DDIAS: variants seen among roughly 807,000 people sequenced by gnomAD.
DDIAS encodes the protein DNA damage-induced apoptosis suppressor protein.
DDIAS carries 14 observed loss-of-function variants against 15.7 expected under a neutral mutation model. The ratio of observed to expected loss-of-function variants is 0.89; its 90% CI spans 0.59 to 1.39. DDIAS has a LOEUF of 1.39. Among genes scored for constraint, DDIAS ranks in the 40% most tolerant of loss-of-function variants. DDIAS has a pLI of 0.00. For missense variants in DDIAS, 1,035 were observed against 1,130.9 expected (o/e 0.92, Z 1.22); for synonymous variants, 355 against 395.9 (o/e 0.90, Z 1.23).
intron 1 of DDIAS, among the ~76,000 whole-genome samples, chr11:82,903,104 G>T (rs1860356589): frequency 6.6e-6 from 1 of 152,196 alleles, no homozygotes; most frequent in Non-Finnish European, 1.5e-5. Context: ...AGCTTGACAT[G>T]TTAATGTTCA....
At chr11:82,906,074 A>G (rs1490729304) in intron 1 of DDIAS, among the ~76,000 whole-genome samples, 5 of 152,186 alleles carry the variant, frequency 3.3e-5, no homozygotes, top group Non-Finnish European at 5.9e-5. Context: ...AAAACAAAGT[A>G]TAAAAACACC....
At chr11:82,921,771 G>T (rs921450974) in intron 3 of DDIAS, among the ~76,000 whole-genome samples, 13 of 151,526 alleles carry the variant, frequency 8.6e-5, no homozygotes, top group African/African-American at 3.2e-4. Flanking sequence ...TAGAGACAGG[G>T]TTTCACCATG....
In DDIAS at chr11:82,933,340, G is replaced by A. The variant is rs1861043425; in HGVS notation, c.2002G>A (p.Gly668Ser). The A allele has an allele frequency of 2.5e-6, 4 of 1,613,964 alleles. No individual in the cohort carries two copies. The highest frequency in any genetic ancestry group is 2.5e-6 in the Non-Finnish European group (3 of 1,179,954). The part of the protein sequence containing the change: ...NNNVTQSYSI[G>S]YEGSYDASAD... ...CAACGTAACACAGAGCTATTCTATTGGTTATGAAGGTAGCTATGATGCCTC... is the reference window on the plus strand; with the variant it reads ...CAACGTAACACAGAGCTATTCTATTAGTTATGAAGGTAGCTATGATGCCTC... Residue 668 changes from glycine to serine, a missense_variant, in exon 6 of 6, where the codon GGT becomes AGT. Physicochemically the swap from Gly to Ser is moderately conservative, Grantham distance 56. Transcript: ENST00000533655.
At chr11:82,903,262 A>G (rs888848015) in intron 1 of DDIAS, among the ~76,000 whole-genome samples, 1 of 152,254 alleles carries the variant, frequency 6.6e-6, no homozygotes, top group Non-Finnish European at 1.5e-5. Flanking sequence ...TTGGATTAAG[A>G]TGATGGCAGA....
chr11:82,912,097 A>G (rs1378293620), intron 1 of DDIAS, among the ~76,000 whole-genome samples: 1 of 152,178 alleles, frequency 6.6e-6, no homozygotes, highest in East Asian at 1.9e-4. Context: ...GATTCAGCAT[A>G]ATCCTTAAGG....
chr11:82,926,831 A>G (rs1439990386), intron 3 of DDIAS, among the ~76,000 whole-genome samples: 4 of 152,196 alleles, frequency 2.6e-5, no homozygotes, highest in African/African-American at 9.6e-5. Context: ...AACTATATAA[A>G]TAAATATCTT....
rs1438295529 is a variant in DDIAS, at chr11:82,914,811, T to C, written c.73T>C (p.Cys25Arg). Residue 25 changes from cysteine to arginine, a missense_variant, in exon 3 of 6, where the codon TGT (cysteine) becomes CGT (arginine). Cys to Arg is a radical substitution (Grantham distance 180, BLOSUM62 -3). Coordinates refer to ENST00000533655, the MANE Select transcript of DDIAS (RefSeq NM_145018.4). ...LQNSSFIYPS[C>R]QKCFSRIILV... Reference sequence around the variant, plus strand: ...GAATTCAAGTTTTATATATCCATCATGTCAGAAGTGCTTCTCTAGGATAAT... The same window carrying C: ...GAATTCAAGTTTTATATATCCATCACGTCAGAAGTGCTTCTCTAGGATAAT... The C allele has an allele frequency of 3.1e-6, 5 of 1,607,286 alleles. No homozygotes were observed. The highest frequency in any genetic ancestry group is 1.3e-5 in the African/African-American group (1 of 74,750).
At chr11:82,903,744 A>G (rs531100209) in intron 1 of DDIAS, among the ~76,000 whole-genome samples, 1 of 152,370 alleles carries the variant, frequency 6.6e-6, no homozygotes, top group South Asian at 2.1e-4. Context: ...TAAGAAAACA[A>G]TTCAAAACAG....
Position 82,926,629 on chromosome 11 carries a change from T to G in DDIAS, c.114-2148T>G, listed in dbSNP as rs1384686017. ...AAGTATGGCCTAAGGTACATCTGCA[T>G]CAGTATTACCTGGGAGCTTATTAAA... On this transcript the variant is annotated intron_variant, in intron 3 of 5. Coordinates refer to ENST00000533655, the MANE Select transcript of DDIAS (RefSeq NM_145018.4). Among the ~76,000 whole-genome samples, 7 of 152,322 alleles carry G rather than the reference T, an allele frequency of 4.6e-5. No homozygotes were observed. The East Asian group carries it at 5.8e-4, about 13-fold the overall frequency.
chr11:82,933,799 C>T lies in DDIAS; in HGVS notation c.2461C>T (p.Pro821Ser), dbSNP rs377352381. Reference protein sequence around the residue: ...FPENDKQQASPSCPKNIKTPS... With the variant: ...FPENDKQQASSSCPKNIKTPS... ...TGAAAATGACAAACAGCAAGCCAGC[C>T]CAAGCTGTCCAAAAAATATAAAAAC... The change falls in exon 6 of 6, where the codon CCA (proline) becomes TCA (serine). Residue 821 changes from proline (P) to serine (S), a missense_variant. Pro to Ser is a moderately conservative substitution (Grantham distance 74). Transcript: ENST00000533655. The T allele has an allele frequency of 3.2e-5, 51 of 1,613,128 alleles. No individual in the cohort carries two copies. In the African/African-American group the frequency reaches 5.9e-4, roughly 19 times the overall value.
chr11:82,906,381 TA>T (rs1860431673), intron 1 of DDIAS, among the ~76,000 whole-genome samples: 1 of 152,266 alleles, frequency 6.6e-6, no homozygotes, highest in East Asian at 1.9e-4. Flanking sequence ...AGTAAACCCT[TA>T]AATAAAGACA....
intron 3 of DDIAS, among the ~76,000 whole-genome samples, chr11:82,917,306 C>T (rs969158504): frequency 6.5e-4 from 99 of 151,992 alleles, no homozygotes; most frequent in African/African-American, 2.4e-3. Flanking sequence ...CCCTCCCACC[C>T]TTCCCCCCAA....
chr11:82,904,747 T>C (rs1472012440), intron 1 of DDIAS, among the ~76,000 whole-genome samples: 1 of 152,216 alleles, frequency 6.6e-6, no homozygotes, highest in Non-Finnish European at 1.5e-5. Context: ...GAAATACTTG[T>C]CTAGTATGAA....
At chr11:82,924,345 C>T (rs993999300) in intron 3 of DDIAS, among the ~76,000 whole-genome samples, 6 of 152,170 alleles carry the variant, frequency 3.9e-5, no homozygotes, top group African/African-American at 1.4e-4. Context: ...GTATGTATGA[C>T]TCCTCCAGTC....
At chr11:82,908,676 C>A (rs1860473638) in intron 1 of DDIAS, among the ~76,000 whole-genome samples, 1 of 152,222 alleles carries the variant, frequency 6.6e-6, no homozygotes, top group South Asian at 2.1e-4. Context: ...ACATTGTTAT[C>A]TGACCTTCCT....
chr11:82,920,035 T>A (rs1256330332), intron 3 of DDIAS, among the ~76,000 whole-genome samples: 2 of 152,224 alleles, frequency 1.3e-5, no homozygotes, highest in East Asian at 3.8e-4. Flanking sequence ...TTGTTGGTAA[T>A]TTTTTAATTC....
intron 3 of DDIAS, among the ~76,000 whole-genome samples, chr11:82,916,126 A>G (rs776076390): frequency 3.9e-5 from 6 of 152,170 alleles, no homozygotes; most frequent in Non-Finnish European, 5.9e-5. Flanking sequence ...CTCATTAACT[A>G]TGTGACCTAG....
At chr11:82,919,432 A>G (rs541607527) in intron 3 of DDIAS, among the ~76,000 whole-genome samples, 1 of 152,352 alleles carries the variant, frequency 6.6e-6, no homozygotes, top group East Asian at 1.9e-4. Flanking sequence ...CTGTCCCTAC[A>G]TCCCTGGTAT....
At position 82,932,080 on chromosome 11, in the gene DDIAS, A is replaced by C; in HGVS notation, c.742A>C (p.Ile248Leu). 6.2e-7 allele frequency: 1 copy of C among 1,614,088 alleles called. No homozygotes were observed. Among genetic ancestry groups the C allele is most frequent in the South Asian group, 1.1e-5 (1 of 91,076 alleles). ...FWQPSLEFTCIVSQLTDNDDF... is the reference protein window; with the variant it reads ...FWQPSLEFTCLVSQLTDNDDF... ...GCAGCCATCACTTGAATTCACTTGC[A>C]TTGTTTCACAACTAACAGATAATGA... Residue 248 changes from isoleucine (I) to leucine (L), a missense_variant, in exon 6 of 6, where the codon ATT (isoleucine) becomes CTT (leucine). Transcript: ENST00000533655.
Sources: gnomAD v4.1 joint callset for allele counts (sites outside exome capture counted in the v4.1 genomes callset) on GRCh38, gnomAD v4.1.1 for gene constraint, MANE v1.5 for transcripts, NCBI Gene and HGNC (gene_info 2026-07-23, HGNC 2026-07-21) for gene names.